Variants in GRM3 observed in about 807,000 individuals in gnomAD.
The protein encoded by GRM3 is glutamate metabotropic receptor 3.
In GRM3, 26 loss-of-function variants were observed where a neutral mutation model predicts 70.5. The observed-to-expected ratio is 0.37, with a 90% confidence interval of 0.27 to 0.51. The LOEUF (loss-of-function observed/expected upper bound fraction) is 0.51, where lower values mean the gene tolerates loss of function less well. Ranked by LOEUF, GRM3 falls within the 20% of genes least tolerant of loss-of-function variation. The pLI, the probability that GRM3 is intolerant of heterozygous loss-of-function variation, is 0.93. For synonymous variants in GRM3, 443 were observed against 434.9 expected, an observed-to-expected ratio of 1.02 and a Z score of -0.23; for missense variants, 859 against 1,123.8, an observed-to-expected ratio of 0.76 and a Z score of 3.37.
At chr7:86,790,694 C>T (rs1797388782) in intron 3 of GRM3, among the ~76,000 whole-genome samples, 1 of 152,140 alleles carries the variant, frequency 6.6e-6, no homozygotes, top group Non-Finnish European at 1.5e-5. Context: ...TCCAGCCACC[C>T]TTGTTTCCAA....
chr7:86,783,426 T>C (rs1182655830), intron 2 of GRM3, among the ~76,000 whole-genome samples: 5 of 152,222 alleles, frequency 3.3e-5, no homozygotes, highest in African/African-American at 1.2e-4. Context: ...TTTCTTCACC[T>C]AGCAGAACTG....
chr7:86,763,171 T>G (rs1422990523), intron 1 of GRM3, among the ~76,000 whole-genome samples: 2 of 152,232 alleles, frequency 1.3e-5, no homozygotes, highest in East Asian at 3.9e-4. Flanking sequence ...CTTTTAGGCA[T>G]CTTGATTGAG....
intron 1 of GRM3, among the ~76,000 whole-genome samples, chr7:86,658,481 C>T (rs1022077712): frequency 1.3e-5 from 2 of 152,152 alleles, no homozygotes; most frequent in Non-Finnish European, 2.9e-5. Context: ...TTCTATACTA[C>T]TTCTGACCTT....
intron 1 of GRM3, among the ~76,000 whole-genome samples, chr7:86,733,246 G>A (rs1241040189): frequency 6.6e-6 from 1 of 151,666 alleles, no homozygotes; most frequent in Non-Finnish European, 1.5e-5. Flanking sequence ...CCCAGGAGGT[G>A]GAGCTTGCAG....
At chr7:86,834,870 A>C (rs1197365761) in intron 3 of GRM3, among the ~76,000 whole-genome samples, 1 of 152,064 alleles carries the variant, frequency 6.6e-6, no homozygotes, top group Non-Finnish European at 1.5e-5. Context: ...ATGAGTTAAA[A>C]TATTCAATAT....
chr7:86,724,515 C>A (rs541302817), intron 1 of GRM3, among the ~76,000 whole-genome samples: 1 of 152,032 alleles, frequency 6.6e-6, no homozygotes, highest in Non-Finnish European at 1.5e-5. Flanking sequence ...TACAGTAATA[C>A]GCTGGAGAAC....
intron 1 of GRM3, among the ~76,000 whole-genome samples, chr7:86,654,113 A>G (rs926999233): frequency 4.6e-5 from 7 of 152,204 alleles, no homozygotes; most frequent in African/African-American, 1.4e-4. Flanking sequence ...AAATACTGCC[A>G]AAGATAGTTT....
At chr7:86,808,070 C>G (rs1391942099) in intron 3 of GRM3, among the ~76,000 whole-genome samples, 1 of 152,116 alleles carries the variant, frequency 6.6e-6, no homozygotes, top group African/African-American at 2.4e-5. Flanking sequence ...TATGTTGAAC[C>G]AGCCTTGCAT....
chr7:86,758,881 G>A (rs567790681), intron 1 of GRM3, among the ~76,000 whole-genome samples: 4 of 152,110 alleles, frequency 2.6e-5, no homozygotes, highest in African/African-American at 4.8e-5. Context: ...CCAATATGCC[G>A]ACTGGCAACG....
chr7:86,843,347 A>G (rs991623352), intron 4 of GRM3, among the ~76,000 whole-genome samples: 1 of 152,212 alleles, frequency 6.6e-6, no homozygotes, highest in Non-Finnish European at 1.5e-5. Flanking sequence ...ACTGTACCAC[A>G]GACGCATCCA....
intron 1 of GRM3, among the ~76,000 whole-genome samples, chr7:86,656,381 G>A (rs1793746261): frequency 6.9e-6 from 1 of 144,304 alleles, no homozygotes; most frequent in South Asian, 2.2e-4. Context: ...CAATTCTCAT[G>A]GCTCAGCCTC....
chr7:86,819,970 A>C (rs531060085), intron 3 of GRM3, among the ~76,000 whole-genome samples: 10 of 152,242 alleles, frequency 6.6e-5, no homozygotes, highest in Non-Finnish European at 1.3e-4. Flanking sequence ...CCTTTCCAAA[A>C]AGCTTCTGTT....
intron 1 of GRM3, among the ~76,000 whole-genome samples, chr7:86,731,895 A>G (rs1795743377): frequency 6.6e-6 from 1 of 152,196 alleles, no homozygotes; most frequent in Non-Finnish European, 1.5e-5. Flanking sequence ...CTAGTGACTG[A>G]GTCTGCTTTT....
At chr7:86,683,654 C>T (rs1246360155) in intron 1 of GRM3, among the ~76,000 whole-genome samples, 1 of 152,044 alleles carries the variant, frequency 6.6e-6, no homozygotes, top group African/African-American at 2.4e-5. Flanking sequence ...CTTGAAAAGC[C>T]CCTGCTATGT....
chr7:86,761,727 T>C (rs984410222), intron 1 of GRM3, among the ~76,000 whole-genome samples: 1 of 152,144 alleles, frequency 6.6e-6, no homozygotes, highest in Non-Finnish European at 1.5e-5. Context: ...TTTATCATTT[T>C]TGTTCATATA....
At chr7:86,852,246 G>T (rs1798768406) in intron 5 of GRM3, among the ~76,000 whole-genome samples, 1 of 152,134 alleles carries the variant, frequency 6.6e-6, no homozygotes, top group South Asian at 2.1e-4. Flanking sequence ...TTGTCTCATT[G>T]CTAGCTCAGA....
At chr7:86,723,870 C>T (rs1269179721) in intron 1 of GRM3, among the ~76,000 whole-genome samples, 1 of 152,112 alleles carries the variant, frequency 6.6e-6, no homozygotes, top group Admixed American at 6.6e-5. Context: ...GTTTGTTGAA[C>T]CCTCCTGGCT....
chr7:86,661,226 T>C (rs1793885395), intron 1 of GRM3, among the ~76,000 whole-genome samples: 1 of 152,004 alleles, frequency 6.6e-6, no homozygotes, highest in Non-Finnish European at 1.5e-5. Flanking sequence ...TGCTTAATGC[T>C]TTTTGAAAGA....
At chr7:86,656,485 T>G (rs1299822537) in intron 1 of GRM3, among the ~76,000 whole-genome samples, 4 of 151,990 alleles carry the variant, frequency 2.6e-5, no homozygotes, top group Admixed American at 6.6e-5. Context: ...GCCAGGCTGG[T>G]CTCAAATTCC....
Sources: allele counts gnomAD v4.1 joint callset (sites outside exome capture counted in the v4.1 genomes callset), GRCh38; gene constraint gnomAD v4.1.1; transcripts MANE v1.5; gene names NCBI Gene and HGNC (gene_info 2026-07-23, HGNC 2026-07-21).